Variants in RIPK2 observed in about 807,000 individuals in gnomAD.
The protein encoded by RIPK2 is receptor-interacting serine/threonine-protein kinase 2.
A neutral mutation model predicts 60.9 loss-of-function variants in RIPK2; 38 were observed. That is an observed-to-expected ratio of 0.62 (90% CI 0.48 to 0.82). The LOEUF (loss-of-function observed/expected upper bound fraction) is 0.82, where lower values mean the gene tolerates loss of function less well. RIPK2 is among the 40% of genes least tolerant of loss of function. The pLI is 0.00. For missense variants in RIPK2, 518 were observed against 647.0 expected (o/e 0.80, Z 2.16); for synonymous variants, 225 against 223.4 (o/e 1.01, Z -0.06).
At chr8:89,781,583 A>G (rs1473548793) in intron 7 of RIPK2, among the ~76,000 whole-genome samples, 1 of 152,000 alleles carries the variant, frequency 6.6e-6, no homozygotes, top group Non-Finnish European at 1.5e-5. Context: ...TTTTTTTTAA[A>G]AAAAATCTTG....
chr8:89,779,321 T>TG (rs1221248068), intron 6 of RIPK2, among the ~76,000 whole-genome samples: 2 of 132,694 alleles, frequency 1.5e-5, no homozygotes, highest in Admixed American at 7.5e-5. Flanking sequence ...TTTTTTTTTT[T>TG]TTTTTTTTTT....
At chr8:89,759,705 T>C (rs1375385416) in intron 1 of RIPK2, among the ~76,000 whole-genome samples, 2 of 152,256 alleles carry the variant, frequency 1.3e-5, no homozygotes, top group Non-Finnish European at 2.9e-5. Context: ...AGTGTGTATA[T>C]GTGTCTGTAG....
intron 3 of RIPK2, among the ~76,000 whole-genome samples, chr8:89,767,317 C>G (rs1809244829): frequency 6.6e-6 from 1 of 151,572 alleles, no homozygotes; most frequent in Admixed American, 6.6e-5. Flanking sequence ...TTTTGCTATA[C>G]TTCTTTTAAT....
chr8:89,790,187 C>G lies in RIPK2; in HGVS notation c.1394C>G (p.Ser465Cys), dbSNP rs749849979. 1.7e-5 allele frequency: 27 copies of G among 1,613,890 alleles called. No individual in the cohort carries two copies. Among genetic ancestry groups the G allele is most frequent in the African/African-American group, 1.3e-5 (1 of 74,898 alleles). ...CLNQSLDALL[S>C]RDLIMKEDYE... is the part of the protein sequence containing the mutation. ...AACCAGTCGCTAGATGCCCTTCTGT[C>G]CAGGGACTTGATCATGAAAGAGGAC... Residue 465 changes from serine to cysteine, a missense_variant, in exon 11 of 11, where the codon TCC becomes TGC. Physicochemically the swap from Ser to Cys is moderately radical, Grantham distance 112. This residue lies in a region of RIPK2 where 29 missense variants were observed against 68.6 expected (regional missense o/e 0.42). Coordinates refer to ENST00000220751, the MANE Select transcript of RIPK2 (RefSeq NM_003821.6).
At chr8:89,765,530 G>A (rs1809212816) in intron 3 of RIPK2, 34 bp downstream of exon 3, 3 of 1,376,908 alleles carry the variant, frequency 2.2e-6, no homozygotes, top group African/African-American at 2.9e-5. Flanking sequence ...ATGTTTCCTT[G>A]TCCTTATAGT....
At chr8:89,781,781 C>A (rs774616495) in intron 7 of RIPK2, among the ~76,000 whole-genome samples, 2 of 152,112 alleles carry the variant, frequency 1.3e-5, no homozygotes, top group Non-Finnish European at 1.5e-5. Context: ...TACATACTTA[C>A]TTTTCCCATG....
At chr8:89,787,130 C>T (rs758786250) in intron 9 of RIPK2, among the ~76,000 whole-genome samples, 6 of 152,102 alleles carry the variant, frequency 3.9e-5, no homozygotes, top group Non-Finnish European at 8.8e-5. Context: ...CACCACCACA[C>T]TCCATCCTGG....
intron 6 of RIPK2, among the ~76,000 whole-genome samples, chr8:89,776,397 G>A (rs893183998): frequency 6.6e-6 from 1 of 152,148 alleles, no homozygotes; most frequent in Non-Finnish European, 1.5e-5. Flanking sequence ...ACTTCAAAGA[G>A]CTTTTGTATG....
At chr8:89,779,583 G>A (rs777830815) in intron 6 of RIPK2, among the ~76,000 whole-genome samples, 3 of 152,072 alleles carry the variant, frequency 2.0e-5, no homozygotes, top group Admixed American at 6.6e-5. Context: ...GCCTCCCAAA[G>A]TGCTGGGATT....
At chr8:89,762,475 T>C (rs1350998759) in intron 1 of RIPK2, among the ~76,000 whole-genome samples, 5 of 152,220 alleles carry the variant, frequency 3.3e-5, no homozygotes, top group Non-Finnish European at 7.3e-5. Flanking sequence ...CAATGTAAAC[T>C]TAATCATGTA....
At chr8:89,774,787 TA>T (rs1193881760) in intron 6 of RIPK2, among the ~76,000 whole-genome samples, 1 of 152,112 alleles carries the variant, frequency 6.6e-6, no homozygotes, top group African/African-American at 2.4e-5. Context: ...GGACCCATAG[TA>T]AAGCTCTGAG....
chr8:89,771,781 C>A lies in RIPK2; in HGVS notation c.682C>A (p.Pro228Thr). The stretch of plus-strand genomic sequence containing the variant: ...ATGGGAAGTGTTATCCAGAAAACAG[C>A]CTTTTGAAGGTAAGTATGGTTTGAC... ...ITWEVLSRKQ[P>T]FEDVTNPLQI... Residue 228 changes from proline (P) to threonine (T), a missense_variant, in exon 5 of 11, where the codon CCT (proline) becomes ACT (threonine). Coordinates refer to ENST00000220751, the MANE Select transcript of RIPK2 (RefSeq NM_003821.6). The A allele has an allele frequency of 6.2e-7, 1 of 1,602,696 alleles. No individual in the cohort carries two copies. Among genetic ancestry groups the A allele is most frequent in the Non-Finnish European group, 8.5e-7 (1 of 1,172,174 alleles).
At chr8:89,772,221 G>A (rs1231793548) in intron 5 of RIPK2, among the ~76,000 whole-genome samples, 1 of 151,942 alleles carries the variant, frequency 6.6e-6, no homozygotes, top group African/African-American at 2.4e-5. Context: ...AGACTAATCT[G>A]TCCTTTTTAT....
At chr8:89,789,596 C>A in intron 10 of RIPK2, 114 bp downstream of exon 10, 1 of 970,742 alleles carries the variant, frequency 1.0e-6, no homozygotes. Context: ...ATGATAAATA[C>A]ATACCTTCTT....
intron 5 of RIPK2, among the ~76,000 whole-genome samples, chr8:89,772,126 C>T (rs572049453): frequency 6.6e-6 from 1 of 152,056 alleles, no homozygotes; most frequent in African/African-American, 2.4e-5. Flanking sequence ...TTTTAAATTA[C>T]TATTTCCAAG....
intron 9 of RIPK2, among the ~76,000 whole-genome samples, chr8:89,788,593 A>G (rs1183492557): frequency 6.6e-6 from 1 of 152,146 alleles, no homozygotes; most frequent in Non-Finnish European, 1.5e-5. Flanking sequence ...CCTGGCCAAC[A>G]TGGTGAAATT....
chr8:89,773,380 A>G (rs1809345595), intron 6 of RIPK2, among the ~76,000 whole-genome samples: 1 of 152,180 alleles, frequency 6.6e-6, no homozygotes, highest in South Asian at 2.1e-4. Flanking sequence ...AACAGCAAGC[A>G]TAAAGGCTCT....
intron 6 of RIPK2, among the ~76,000 whole-genome samples, chr8:89,774,658 C>A (rs950086374): frequency 6.6e-6 from 1 of 152,070 alleles, no homozygotes; most frequent in Admixed American, 6.6e-5. Flanking sequence ...ACTACTACAA[C>A]AATACATGAA....
chr8:89,787,081 G>T (rs538475378), intron 9 of RIPK2, among the ~76,000 whole-genome samples: 1 of 151,970 alleles, frequency 6.6e-6, no homozygotes, highest in African/African-American at 2.4e-5. Context: ...CGGAAAGATC[G>T]CTTGAACCTG....
Sources: allele counts gnomAD v4.1 joint callset (sites outside exome capture counted in the v4.1 genomes callset), GRCh38; gene constraint gnomAD v4.1.1; regional missense constraint gnomAD v4.1.1; transcripts MANE v1.5; gene names NCBI Gene and HGNC (gene_info 2026-07-23, HGNC 2026-07-21).